The following PDS5B variants were observed in gnomAD, a reference collection of about 807,000 sequenced individuals.
PDS5B encodes PDS5 cohesin associated factor B.
A neutral mutation model predicts 184.1 loss-of-function variants in PDS5B; 51 were observed. That is an observed-to-expected ratio of 0.28 (90% CI 0.22 to 0.35). The LOEUF is 0.35. Among genes scored for constraint, PDS5B ranks in the 10% least tolerant of loss-of-function variants. The pLI, the probability that PDS5B is intolerant of heterozygous loss-of-function variation, is 1.00. For synonymous variants in PDS5B, 566 were observed against 569.2 expected (o/e 0.99, Z 0.08); for missense variants, 1,180 against 1,723.3 (o/e 0.68, Z 5.58).
chr13:32,597,613 G>C (rs1451593628), intron 1 of PDS5B, among the ~76,000 whole-genome samples: 1 of 151,846 alleles, frequency 6.6e-6, no homozygotes, highest in African/African-American at 2.4e-5. Context: ...GGGGGCGGCA[G>C]GGGGTGCGGG....
intron 24 of PDS5B, among the ~76,000 whole-genome samples, chr13:32,749,778 A>C (rs1429588470): frequency 6.6e-6 from 1 of 152,104 alleles, no homozygotes; most frequent in Non-Finnish European, 1.5e-5. Flanking sequence ...GCTGCAGACT[A>C]AAATTAATTT....
chr13:32,720,466 C>T (rs904410144), intron 19 of PDS5B, among the ~76,000 whole-genome samples: 3 of 151,916 alleles, frequency 2.0e-5, no homozygotes, highest in African/African-American at 7.3e-5. Flanking sequence ...AGGGTTCAGT[C>T]AGAGAAACAA....
chr13:32,724,052 A>C (rs1952811593), intron 19 of PDS5B, among the ~76,000 whole-genome samples: 1 of 152,222 alleles, frequency 6.6e-6, no homozygotes, highest in African/African-American at 2.4e-5. Context: ...TCATCTGTAT[A>C]TCTTTATCCC....
intron 6 of PDS5B, among the ~76,000 whole-genome samples, 165 bp downstream of exon 6, chr13:32,659,445 A>G (rs1399624045): frequency 1.3e-5 from 2 of 152,212 alleles, no homozygotes; most frequent in Non-Finnish European, 2.9e-5. Flanking sequence ...TAATAAAAAG[A>G]TACACTTAAT....
intron 1 of PDS5B, among the ~76,000 whole-genome samples, chr13:32,606,170 C>T (rs561563271): frequency 2.0e-5 from 3 of 152,292 alleles, no homozygotes; most frequent in Admixed American, 2.0e-4. Context: ...CATTGATGGT[C>T]TTTACAATTG....
Position 32,760,626 on chromosome 13 carries a change from G to A in PDS5B, c.3424G>A (p.Gly1142Ser). ...TGTTAACAAGCCACTTTCATCAGCA[G>A]GCAAGCAATCTCAGACCAAATCATC... ...GAVNKPLSSA[G>S]KQSQTKSSRM... Residue 1142 changes from glycine to serine, a missense_variant, in exon 30 of 35, where the codon GGC becomes AGC. Around this residue, in one of 11 missense-constraint regions of PDS5B, gnomAD observed 465 missense variants for 497.8 expected, o/e 0.93. Transcript: ENST00000315596. The A allele has an allele frequency of 6.2e-7, 1 of 1,613,974 alleles. No homozygotes were observed. Among genetic ancestry groups the A allele is most frequent in the Non-Finnish European group, 8.5e-7 (1 of 1,179,906 alleles).
chr13:32,743,318 C>T (rs1953627095), intron 23 of PDS5B, among the ~76,000 whole-genome samples: 1 of 158 alleles, frequency 6.3e-3, no homozygotes, highest in East Asian at 0.12. Flanking sequence ...GTTTCCTTAC[C>T]CACGGAAGTA....
At chr13:32,757,971 T>C in intron 26 of PDS5B, 116 bp from the exon 27 acceptor site, 1 of 437,818 alleles carries the variant, frequency 2.3e-6, no homozygotes, top group Non-Finnish European at 3.9e-6. Context: ...TTTTTTTTTT[T>C]CTTCCTGGAG....
rs1566403022 is a variant in PDS5B at position 32,746,059 on chromosome 13, A to G, written c.2695A>G (p.Ile899Val). ...ACAAGAACCCTGTTACCATGAAATC[A>G]TCACATTAGAACAATATCAGCTATG... ...LAQEPCYHEIITLEQYQLCAL... is the reference protein window; with the variant it reads ...LAQEPCYHEIVTLEQYQLCAL... Residue 899 changes from isoleucine (I) to valine (V), a missense_variant, in exon 24 of 35, where the codon ATC (isoleucine) becomes GTC (valine). Physicochemically the swap from Ile to Val is conservative, Grantham distance 29. Around this residue, in one of 11 missense-constraint regions of PDS5B, gnomAD observed 40 missense variants for 107.2 expected, o/e 0.37. Coordinates refer to ENST00000315596, the MANE Select transcript of PDS5B (RefSeq NM_015032.4). 3 of 1,613,490 alleles carry G rather than the reference A, an allele frequency of 1.9e-6. No homozygotes were observed. The highest frequency in any genetic ancestry group is 2.5e-6 in the Non-Finnish European group (3 of 1,179,396).
intron 13 of PDS5B, among the ~76,000 whole-genome samples, chr13:32,693,514 T>A (rs959171349): frequency 6.6e-6 from 1 of 151,758 alleles, no homozygotes; most frequent in African/African-American, 2.4e-5. Context: ...GCTTCATATG[T>A]ATGGTAATAG....
chr13:32,676,412 G>A (rs1180315514), intron 9 of PDS5B, among the ~76,000 whole-genome samples: 1 of 152,002 alleles, frequency 6.6e-6, no homozygotes, highest in East Asian at 1.9e-4. Flanking sequence ...GGAAATGATG[G>A]CCTGGATTCC....
intron 13 of PDS5B, chr13:32,688,926 A>G: frequency 3.8e-6 from 1 of 265,220 alleles, no homozygotes; most frequent in South Asian, 4.1e-5. Context: ...TTTTATTCTC[A>G]CTTGGTGTAC....
intron 18 of PDS5B, among the ~76,000 whole-genome samples, chr13:32,709,170 G>GT (rs1367193980): frequency 4.6e-5 from 7 of 151,022 alleles, no homozygotes; most frequent in East Asian, 1.9e-4. Context: ...GCTGTGTGCT[G>GT]TTTTTTTTAC....
chr13:32,756,167 T>C (rs1402534108), intron 26 of PDS5B, among the ~76,000 whole-genome samples: 1 of 152,150 alleles, frequency 6.6e-6, no homozygotes, highest in Non-Finnish European at 1.5e-5. Flanking sequence ...ATCATAATTA[T>C]TATAGTTATG....
chr13:32,726,085 A>T (rs1952889380), intron 19 of PDS5B, among the ~76,000 whole-genome samples: 1 of 151,854 alleles, frequency 6.6e-6, no homozygotes, highest in Non-Finnish European at 1.5e-5. Context: ...AGGAAGCAAG[A>T]TAAATTTCAG....
intron 8 of PDS5B, among the ~76,000 whole-genome samples, chr13:32,675,174 A>C (rs928421223): frequency 1.3e-5 from 2 of 152,096 alleles, no homozygotes; most frequent in African/African-American, 4.8e-5. Flanking sequence ...CAATTCCCAC[A>C]CTTTATGTTC....
intron 18 of PDS5B, among the ~76,000 whole-genome samples, chr13:32,707,535 TACAATTTTGTATCCTTA>T (rs1368040255): frequency 1.3e-5 from 2 of 151,008 alleles, no homozygotes; most frequent in Admixed American, 6.6e-5. Flanking sequence ...AAACTGAATA[TACAATTTTGTATCCTTA>T]ACTATTTTCC....
Position 32,764,531 on chromosome 13 carries a change from C to A in PDS5B, c.3561C>A (p.Tyr1187Ter). The change falls in exon 31 of 35, where the codon TAC becomes TAA. Residue 1187 changes from tyrosine to a stop codon, truncating the protein, a stop_gained. Coordinates refer to ENST00000315596, the MANE Select transcript of PDS5B (RefSeq NM_015032.4). LOFTEE classifies it high-confidence loss of function. Reference protein sequence around the residue: ...SEMDHSENEDYTMSSPLPGKK... With the variant: ...SEMDHSENED ...TGGATCACAGTGAAAATGAAGATTACACAATGTCTTCACCTTTGCCGGGGA... is the reference window on the plus strand; with the variant it reads ...TGGATCACAGTGAAAATGAAGATTAAACAATGTCTTCACCTTTGCCGGGGA... 6.2e-7 allele frequency: 1 copy of A among 1,606,224 alleles called. No individual in the cohort carries two copies. Among genetic ancestry groups the A allele is most frequent in the Non-Finnish European group, 8.5e-7 (1 of 1,175,628 alleles).
At chr13:32,617,981 A>T (rs2058242905) in intron 1 of PDS5B, among the ~76,000 whole-genome samples, 1 of 152,214 alleles carries the variant, frequency 6.6e-6, no homozygotes, top group Non-Finnish European at 1.5e-5. Context: ...AGGCACTAGC[A>T]GGTTGTGTAG....
Sources: allele counts gnomAD v4.1 joint callset (sites outside exome capture counted in the v4.1 genomes callset), GRCh38; gene constraint gnomAD v4.1.1; regional missense constraint gnomAD v4.1.1; transcripts MANE v1.5; gene names NCBI Gene and HGNC (gene_info 2026-07-23, HGNC 2026-07-21).